The following TMED4 variants were observed in gnomAD, a reference collection of about 807,000 sequenced individuals.
TMED4 encodes transmembrane emp24 domain-containing protein 4.
In TMED4, 19 loss-of-function variants were observed where a neutral mutation model predicts 26.5. That is an observed-to-expected ratio of 0.72 (90% confidence interval 0.50 to 1.05). TMED4 has a LOEUF of 1.05. Ranked by LOEUF, TMED4 falls within the 50% of genes least tolerant of loss-of-function variation. The probability of loss-of-function intolerance (pLI) is 0.00; values close to 1 mark genes in which losing one functional copy is unlikely to be tolerated. For missense variants in TMED4, 303 were observed against 302.5 expected (o/e 1.00, Z -0.01); for synonymous variants, 121 against 119.8 (o/e 1.01, Z -0.07).
rs1488709785 is a variant in TMED4, at chr7:44,578,409, G to A, written c.*1070C>T. The A allele has an allele frequency of 2.6e-5, 4 of 152,212 alleles. No individual in the cohort carries two copies. The highest frequency in any genetic ancestry group is 5.9e-5 in the Non-Finnish European group (4 of 68,048). The allele number at this position is 152,212 out of a possible 1,614,324, so 9.4% of individuals were successfully genotyped here. On this transcript the variant is annotated 3_prime_UTR_variant, in exon 5 of 5. Transcript: ENST00000457408. ...CACAGCTTAAATAAAAGTTGAGAAG[G>A]AGGGTAAGAGTGCATTGCCCCATTC... is the stretch of plus-strand genomic sequence containing the variant.
chr7:44,581,913 G>T, intron 1 of TMED4, 90 bp from the exon 2 acceptor site: 1 of 1,571,620 alleles, frequency 6.4e-7, no homozygotes, highest in South Asian at 1.1e-5. Flanking sequence ...CTCTAGGCAG[G>T]GGGCCTGGCG....
chr7:44,581,186 A>G lies in TMED4; in HGVS notation c.441T>C (p.Ile147=). 6 of 1,614,132 alleles carry G rather than the reference A, an allele frequency of 3.7e-6. No homozygotes were observed. Among genetic ancestry groups the G allele is most frequent in the Non-Finnish European group, 5.1e-6 (6 of 1,180,026 alleles). ...VGEHANNYPE[I]AAKDKLTELQ... ...GCTCCGTCAGCTTATCTTTTGCAGC[A>G]ATCTCAGGGTAGTTGTTGGCATGCT... Residue 147 remains isoleucine, a synonymous_variant, in exon 4 of 5, where the codon ATT becomes ATC. Transcript: ENST00000457408.
At position 44,581,805 on chromosome 7, in the gene TMED4, A is replaced by G; in HGVS notation, c.179T>C (p.Met60Thr). ...GAAGACCTCCTTCTGCTTATCCCAC[A>G]TCTGGGTACGATAGTTGCCTGCGGG... ...TMVIGNYRTQ[M>T]WDKQKEVFLP... The change falls in exon 2 of 5, where the codon ATG becomes ACG. Residue 60 changes from methionine to threonine, a missense_variant. Coordinates refer to ENST00000457408, the MANE Select transcript of TMED4 (RefSeq NM_182547.4). 1 of 1,614,126 alleles carries G rather than the reference A, an allele frequency of 6.2e-7. No homozygotes were observed. Among genetic ancestry groups the G allele is most frequent in the African/African-American group, 1.3e-5 (1 of 75,066 alleles).
rs777161787 is a variant in TMED4 at position 44,581,827 on chromosome 7, C to T, written c.161-4G>A. On this transcript the variant is annotated splice_region_variant and splice_polypyrimidine_tract_variant and intron_variant, in intron 1 of 4. Coordinates refer to ENST00000457408, the MANE Select transcript of TMED4 (RefSeq NM_182547.4). ...CACATCTGGGTACGATAGTTGCCTGCGGGGCAGACACATAGTCACGACCGG... is the reference window on the plus strand; with the variant it reads ...CACATCTGGGTACGATAGTTGCCTGTGGGGCAGACACATAGTCACGACCGG... 1 of 1,613,864 alleles carries T rather than the reference C, an allele frequency of 6.2e-7. No individual in the cohort carries two copies. Among genetic ancestry groups the T allele is most frequent in the African/African-American group, 1.3e-5 (1 of 74,954 alleles).
rs1562591977 is a variant in TMED4, at chr7:44,582,190, G to GC, written c.16dup (p.Ala6GlyfsTer58). On this transcript the variant is annotated frameshift_variant, in exon 1 of 5. Transcript: ENST00000457408. LOFTEE classifies it high-confidence loss of function. ...CCGCCCCATCGCCCGCAGAGGCCCA[G>GC]CCCCGACACCTGCCATCGCGCCTCA... 5.8e-6 allele frequency: 9 copies of GC among 1,545,412 alleles called. No homozygotes were observed. Among genetic ancestry groups the GC allele is most frequent in the Non-Finnish European group, 5.2e-6 (6 of 1,145,972 alleles).
At position 44,582,166 on chromosome 7, in the gene TMED4, CG is replaced by C. The variant is rs764117227; in HGVS notation, c.40del (p.Arg14GlyfsTer68). On this transcript the variant is annotated frameshift_variant, in exon 1 of 5. Coordinates refer to ENST00000457408, the MANE Select transcript of TMED4 (RefSeq NM_182547.4). LOFTEE classifies it high-confidence loss of function. ...CAGCGCGAGAAGCAGCAGGGCCTGC[CG>C]CCCCATCGCCCGCAGAGGCCCAGCC... ...VGAGPLRAMG[R>X]QALLLLALCA... 590 of 1,548,342 alleles carry C rather than the reference CG, an allele frequency of 3.8e-4. 1 individual carries two copies. Among genetic ancestry groups the C allele is most frequent in the Non-Finnish European group, 4.7e-4 (541 of 1,146,246 alleles).
intron 4 of TMED4, 57 bp from the exon 5 acceptor site, chr7:44,579,685 G>T: frequency 1.9e-6 from 3 of 1,576,328 alleles, no homozygotes; most frequent in Non-Finnish European, 2.6e-6. Flanking sequence ...CTGTTGTGAG[G>T]TCCCTCCCTG....
chr7:44,579,756 G>C, intron 4 of TMED4, 128 bp from the exon 5 acceptor site: 1 of 945,992 alleles, frequency 1.1e-6, no homozygotes, highest in Admixed American at 2.5e-5. Flanking sequence ...GACTCCATTA[G>C]GAGTGCTATG....
chr7:44,581,320 CT>C, intron 3 of TMED4, 81 bp from the exon 4 acceptor site: 1 of 1,598,402 alleles, frequency 6.3e-7, no homozygotes, highest in South Asian at 1.1e-5. Context: ...TTGTCCCTGG[CT>C]GTGGAGCAGA....
chr7:44,581,077 G>A lies in TMED4; in HGVS notation c.534+16C>T. On this transcript the variant is annotated intron_variant, in intron 4 of 4. Coordinates refer to ENST00000457408, the MANE Select transcript of TMED4 (RefSeq NM_182547.4). Reference sequence around the variant, plus strand: ...GGTCAACTGCCCTCTCAAATTACAAGGAGATATGCACTTGCCCTTTGGTAA... The same window carrying A: ...GGTCAACTGCCCTCTCAAATTACAAAGAGATATGCACTTGCCCTTTGGTAA... 6.2e-7 allele frequency: 1 copy of A among 1,613,824 alleles called. No homozygotes were observed. The highest frequency in any genetic ancestry group is 8.5e-7 in the Non-Finnish European group (1 of 1,179,718).
Position 44,581,524 on chromosome 7 carries a change from G to A in TMED4, c.312C>T (p.Ser104=), listed in dbSNP as rs1434339759. The A allele has an allele frequency of 6.2e-7, 1 of 1,614,186 alleles. No homozygotes were observed. The highest frequency in any genetic ancestry group is 1.6e-4 in the Middle Eastern group (1 of 6,062). ...AGATTTGATGGTCACCGGGCGTGTG[G>A]GAGGTGAACGTGAAGCGGCCCTCCG... ...YGSEGRFTFT[S]HTPGDHQICL... is the part of the protein sequence containing the mutation. Residue 104 remains serine, a synonymous_variant, in exon 3 of 5, where the codon TCC becomes TCT. Coordinates refer to ENST00000457408, the MANE Select transcript of TMED4 (RefSeq NM_182547.4).
At position 44,581,832 on chromosome 7, in the gene TMED4, C is replaced by T; in HGVS notation, c.161-9G>A. ...CTGGGTACGATAGTTGCCTGCGGGG[C>T]AGACACATAGTCACGACCGGCCCTA... On this transcript the variant is annotated splice_polypyrimidine_tract_variant and intron_variant, in intron 1 of 4. Coordinates refer to ENST00000457408, the MANE Select transcript of TMED4 (RefSeq NM_182547.4). 1 of 1,613,840 alleles carries T rather than the reference C, an allele frequency of 6.2e-7. No individual in the cohort carries two copies. Among genetic ancestry groups the T allele is most frequent in the Non-Finnish European group, 8.5e-7 (1 of 1,179,808 alleles).
chr7:44,579,427 G>A lies in TMED4; in HGVS notation c.*52C>T. On this transcript the variant is annotated 3_prime_UTR_variant, in exon 5 of 5. Coordinates refer to ENST00000457408, the MANE Select transcript of TMED4 (RefSeq NM_182547.4). The stretch of plus-strand genomic sequence containing the variant: ...ATCCAGGTGGATAAAGGACTGTGTG[G>A]GGAAAGTACCAAATAAATGAGGTAA... 6.4e-7 allele frequency: 1 copy of A among 1,566,860 alleles called. No homozygotes were observed. The highest frequency in any genetic ancestry group is 2.3e-5 in the East Asian group (1 of 44,228).
At chr7:44,581,408 T>A (rs1562591053) in intron 3 of TMED4, 41 bp downstream of exon 3, 1 of 1,612,680 alleles carries the variant, frequency 6.2e-7, no homozygotes, top group South Asian at 1.1e-5. Context: ...TGGAAACAAG[T>A]GAGAGATTCT....
chr7:44,581,296 T>C, intron 3 of TMED4, 57 bp from the exon 4 acceptor site: 1 of 1,603,772 alleles, frequency 6.2e-7, no homozygotes, highest in Non-Finnish European at 8.5e-7. Flanking sequence ...TGTTCCAGGG[T>C]ATGGAACCCA....
rs371410317 is a variant in TMED4, at chr7:44,581,833, A to T, written c.161-10T>A. On this transcript the variant is annotated splice_polypyrimidine_tract_variant and intron_variant, in intron 1 of 4. Transcript: ENST00000457408. The stretch of plus-strand genomic sequence containing the variant: ...TGGGTACGATAGTTGCCTGCGGGGC[A>T]GACACATAGTCACGACCGGCCCTAG... 12 of 1,613,708 alleles carry T rather than the reference A, an allele frequency of 7.4e-6. No homozygotes were observed. In the African/African-American group the frequency reaches 1.5e-4, roughly 20 times the overall value.
rs769877931 is a variant in TMED4, at chr7:44,581,533, C to A, written c.303G>T (p.Thr101=). ...SRQYGSEGRF[T]FTSHTPGDHQ... ...GGTCACCGGGCGTGTGGGAGGTGAA[C>A]GTGAAGCGGCCCTCCGAGCCGTACT... The change falls in exon 3 of 5, where the codon ACG becomes ACT. Residue 101 remains threonine (T), a synonymous_variant. Coordinates refer to ENST00000457408, the MANE Select transcript of TMED4 (RefSeq NM_182547.4). 11 of 1,614,042 alleles carry A rather than the reference C, an allele frequency of 6.8e-6. No individual in the cohort carries two copies. The Admixed American group carries it at 1.0e-4, about 15-fold the overall frequency.
Position 44,579,375 on chromosome 7 carries a change from T to C in TMED4, c.*104A>G, listed in dbSNP as rs1245090094. On this transcript the variant is annotated 3_prime_UTR_variant, in exon 5 of 5. Coordinates refer to ENST00000457408, the MANE Select transcript of TMED4 (RefSeq NM_182547.4). ...TTGTGGCCATGGAACCAATGTGACTTATTCTTTTTCATTTTTTTCCCTAAA... is the reference window on the plus strand; with the variant it reads ...TTGTGGCCATGGAACCAATGTGACTCATTCTTTTTCATTTTTTTCCCTAAA... 13 of 1,335,672 alleles carry C rather than the reference T, an allele frequency of 9.7e-6. No homozygotes were observed. The African/African-American group carries it at 1.5e-4, about 15-fold the overall frequency. The allele number at this position is 1,335,672 out of a possible 1,614,324, so 82.7% of individuals were successfully genotyped here.
rs138565143 is a variant in TMED4, at chr7:44,578,861, CAAAAAAAAAAAAAAAAA to C, written c.*601_*617del. The stretch of plus-strand genomic sequence containing the variant: ...CAGCCTGGGCGACAAGAGCAAAACT[CAAAAAAAAAAAAAAAAA>C]AAAAAAAGGAAAAACAAAACCCAGA... On this transcript the variant is annotated 3_prime_UTR_variant, in exon 5 of 5. Transcript: ENST00000457408. 1 of 77,532 alleles carries C rather than the reference CAAAAAAAAAAAAAAAAA, an allele frequency of 1.3e-5. No homozygotes were observed. The highest frequency in any genetic ancestry group is 2.4e-5 in the Non-Finnish European group (1 of 41,350). 4.8% of individuals were successfully genotyped at this position (77,532 alleles called of 1,614,324 possible).
Sources: gnomAD v4.1 joint callset for allele counts on GRCh38, gnomAD v4.1.1 for gene constraint, MANE v1.5 for transcripts, NCBI Gene and HGNC (gene_info 2026-07-23, HGNC 2026-07-21) for gene names.